The following NRXN1 variants were observed in gnomAD, a reference collection of about 807,000 sequenced individuals.
NRXN1 encodes the protein neurexin 1.
Under a neutral mutation model 150.9 loss-of-function variants are expected in NRXN1, and 39 were observed. That is an observed-to-expected ratio of 0.26 (90% CI 0.20 to 0.34). NRXN1 has a LOEUF of 0.34. Ranked by LOEUF, NRXN1 falls within the 10% of genes least tolerant of loss-of-function variation. The pLI is 1.00. For synonymous variants in NRXN1, 924 were observed against 757.0 expected, an observed-to-expected ratio of 1.22 and a Z score of -3.62; for missense variants, 1,815 against 1,949.9, an observed-to-expected ratio of 0.93 and a Z score of 1.30.
intron 18 of NRXN1, among the ~76,000 whole-genome samples, chr2:50,097,858 C>G (rs904627395): frequency 2.0e-5 from 3 of 151,994 alleles, no homozygotes; most frequent in South Asian, 2.1e-4. Context: ...AGGCTGGTCT[C>G]GAAATCCTGA....
intron 21 of NRXN1, among the ~76,000 whole-genome samples, chr2:50,034,263 C>G (rs756644273): frequency 4.6e-5 from 7 of 151,964 alleles, no homozygotes; most frequent in Non-Finnish European, 8.8e-5. Context: ...TATTGGTAGA[C>G]TGGATAAAGA....
At chr2:49,959,545 T>C (rs1675548044) in intron 21 of NRXN1, among the ~76,000 whole-genome samples, 1 of 152,226 alleles carries the variant, frequency 6.6e-6, no homozygotes, top group Non-Finnish European at 1.5e-5. Context: ...TGCTTTCCAG[T>C]GATCTGCTGC....
At position 49,936,788 on chromosome 2, in the gene NRXN1, A is replaced by G. The variant is rs543751489; in HGVS notation, c.4216+6916T>C. On this transcript the variant is annotated intron_variant, in intron 22 of 22. Transcript: ENST00000401669. The stretch of plus-strand genomic sequence containing the variant: ...AGTTCAATTAAATACAAATTGCTAT[A>G]TTCTAAAAAACAAAACAAAAAACAT... Among the ~76,000 whole-genome samples, 7 of 151,576 alleles carry G rather than the reference A, an allele frequency of 4.6e-5. No homozygotes were observed. The South Asian group carries it at 1.5e-3, about 32-fold the overall frequency.
chr2:49,934,500 G>A (rs1558532491), intron 22 of NRXN1, among the ~76,000 whole-genome samples: 2 of 152,196 alleles, frequency 1.3e-5, no homozygotes, highest in Non-Finnish European at 2.9e-5. Context: ...TTGCTGTCAT[G>A]AGGCTATTTC....
At chr2:50,591,425 T>C (rs767005451) in intron 8 of NRXN1, among the ~76,000 whole-genome samples, 1 of 151,932 alleles carries the variant, frequency 6.6e-6, no homozygotes, top group African/African-American at 2.4e-5. Flanking sequence ...GATAGATAGA[T>C]AGATAGATAG....
intron 5 of NRXN1, among the ~76,000 whole-genome samples, chr2:50,850,484 T>A (rs1018557423): frequency 6.6e-6 from 1 of 152,174 alleles, no homozygotes; most frequent in Non-Finnish European, 1.5e-5. Flanking sequence ...ACTTTCTTTC[T>A]TGCTTCAGTC....
At chr2:50,500,979 C>T (rs1326801715) in intron 13 of NRXN1, among the ~76,000 whole-genome samples, 6 of 151,856 alleles carry the variant, frequency 4.0e-5, no homozygotes, top group South Asian at 4.2e-4. Context: ...TCATGGTCTA[C>T]GGGAGAAAGG....
At chr2:50,050,044 A>G (rs1692447180) in intron 21 of NRXN1, among the ~76,000 whole-genome samples, 1 of 152,060 alleles carries the variant, frequency 6.6e-6, no homozygotes, top group Admixed American at 6.6e-5. Context: ...TCACATTAAA[A>G]AGGAACAATT....
At chr2:50,187,888 A>G (rs537912728) in intron 18 of NRXN1, among the ~76,000 whole-genome samples, 7 of 151,986 alleles carry the variant, frequency 4.6e-5, no homozygotes, top group African/African-American at 1.4e-4. Flanking sequence ...TTGTTTGTCT[A>G]TTGCTGGTGT....
intron 18 of NRXN1, among the ~76,000 whole-genome samples, chr2:50,180,123 G>A (rs1191459541): frequency 6.6e-6 from 1 of 152,104 alleles, no homozygotes. Context: ...CTGGGCTCAA[G>A]CAATCCTCCT....
At chr2:50,183,340 T>G (rs1559046388) in intron 18 of NRXN1, among the ~76,000 whole-genome samples, 1 of 152,042 alleles carries the variant, frequency 6.6e-6, no homozygotes, top group Admixed American at 6.6e-5. Context: ...GTCAATTTGT[T>G]ATCGACAAGT....
At chr2:50,495,635 A>C (rs1232848539) in intron 15 of NRXN1, among the ~76,000 whole-genome samples, 1 of 152,054 alleles carries the variant, frequency 6.6e-6, no homozygotes. Context: ...TAATATCAAG[A>C]CCAATATTAT....
intron 5 of NRXN1, among the ~76,000 whole-genome samples, chr2:50,755,753 T>C (rs145547951): frequency 6.6e-5 from 10 of 151,926 alleles, no homozygotes; most frequent in Non-Finnish European, 5.9e-5. Flanking sequence ...AGAACAACAA[T>C]AGAAATAACA....
At chr2:50,764,798 G>A (rs761324712) in intron 5 of NRXN1, among the ~76,000 whole-genome samples, 28 of 151,898 alleles carry the variant, frequency 1.8e-4, no homozygotes, top group Non-Finnish European at 3.4e-4. Flanking sequence ...CGCAACAAAG[G>A]ACCACTAAAT....
At chr2:50,362,769 G>C (rs1224656815) in intron 17 of NRXN1, among the ~76,000 whole-genome samples, 1 of 151,974 alleles carries the variant, frequency 6.6e-6, no homozygotes, top group Non-Finnish European at 1.5e-5. Context: ...GAATAAAAAA[G>C]TACCCCGTAC....
chr2:50,754,167 A>C (rs1313702982), intron 5 of NRXN1, among the ~76,000 whole-genome samples: 2 of 151,858 alleles, frequency 1.3e-5, no homozygotes, highest in Non-Finnish European at 2.9e-5. Flanking sequence ...AAAAGACAAA[A>C]GAAAAGTCAT....
intron 22 of NRXN1, among the ~76,000 whole-genome samples, chr2:49,922,676 A>C (rs916970010): frequency 1.3e-5 from 2 of 152,206 alleles, no homozygotes; most frequent in African/African-American, 4.8e-5. Flanking sequence ...CTCTAGACTG[A>C]ATCAGGACAA....
intron 5 of NRXN1, among the ~76,000 whole-genome samples, chr2:50,658,617 T>G (rs1208083149): frequency 1.3e-5 from 2 of 152,014 alleles, no homozygotes; most frequent in African/African-American, 4.8e-5. Flanking sequence ...CTTTCCCTTT[T>G]GTCTTTACAG....
At chr2:50,135,291 C>T (rs11125290) in intron 18 of NRXN1, among the ~76,000 whole-genome samples, 34,873 of 152,128 alleles carry the variant, frequency 0.23, 4,915 homozygotes, top group East Asian at 0.37. Context: ...GAGATTTAAG[C>T]CACAGTAAAA....
Sources: allele counts gnomAD v4.1 joint callset (sites outside exome capture counted in the v4.1 genomes callset), GRCh38; gene constraint gnomAD v4.1.1; transcripts MANE v1.5; gene names NCBI Gene and HGNC (gene_info 2026-07-23, HGNC 2026-07-21).